Variants in CERKL observed in about 807,000 individuals in gnomAD.
CERKL encodes ceramide kinase-like protein.
A neutral mutation model predicts 63.4 loss-of-function variants in CERKL; 61 were observed. The ratio of observed to expected loss-of-function variants is 0.96; its 90% CI spans 0.78 to 1.19. The LOEUF (loss-of-function observed/expected upper bound fraction) is 1.19. CERKL is among the 50% of genes most tolerant of loss of function. CERKL has a pLI of 0.00. For synonymous variants in CERKL, 250 were observed against 230.5 expected (o/e 1.08, Z -0.77); for missense variants, 675 against 655.5 (o/e 1.03, Z -0.33).
chr2:181,643,660 C>A (rs115813597), intron 1 of CERKL, among the ~76,000 whole-genome samples: 1 of 152,146 alleles, frequency 6.6e-6, no homozygotes, highest in African/African-American at 2.4e-5. Flanking sequence ...CCTAAAGGGC[C>A]GTCATTTCAG....
intron 3 of CERKL, among the ~76,000 whole-genome samples, chr2:181,572,649 A>G (rs1226513049): frequency 4.9e-5 from 6 of 122,442 alleles, no homozygotes; most frequent in Admixed American, 3.4e-4. Flanking sequence ...GGTCACAAAC[A>G]TAAAGGTTAA....
intron 3 of CERKL, among the ~76,000 whole-genome samples, chr2:181,568,119 A>C (rs1490352049): frequency 6.6e-6 from 1 of 152,152 alleles, no homozygotes; most frequent in Non-Finnish European, 1.5e-5. Flanking sequence ...TTCCTCAGGA[A>C]GACAAGAAAG....
At chr2:181,579,218 ATT>A (rs970927760) in intron 2 of CERKL, among the ~76,000 whole-genome samples, 2 of 151,768 alleles carry the variant, frequency 1.3e-5, no homozygotes, top group African/African-American at 4.9e-5. Context: ...TATTCAGTAA[ATT>A]TTTCTCTTAT....
At chr2:181,642,130 T>C (rs1459115202) in intron 1 of CERKL, among the ~76,000 whole-genome samples, 1 of 152,246 alleles carries the variant, frequency 6.6e-6, no homozygotes, top group Non-Finnish European at 1.5e-5. Flanking sequence ...TAAATTTTTT[T>C]CTAAAGAGGC....
chr2:181,569,617 A>G (rs941596838), intron 3 of CERKL, among the ~76,000 whole-genome samples: 7 of 152,278 alleles, frequency 4.6e-5, no homozygotes, highest in Middle Eastern at 3.4e-3. Context: ...AAGAGCCCTG[A>G]GCTGGCAGAG....
At chr2:181,613,281 A>C (rs1559105987) in intron 1 of CERKL, among the ~76,000 whole-genome samples, 1 of 152,256 alleles carries the variant, frequency 6.6e-6, no homozygotes, top group Non-Finnish European at 1.5e-5. Context: ...AATTTAAAAC[A>C]GTAGGTGAAC....
At chr2:181,589,979 ATTT>A (rs57728937) in intron 2 of CERKL, among the ~76,000 whole-genome samples, 2 of 145,216 alleles carry the variant, frequency 1.4e-5, no homozygotes, top group African/African-American at 5.0e-5. Context: ...CACCCAGCTA[ATTT>A]TTTTTTTTTT....
chr2:181,576,504 C>A (rs2105850987), intron 2 of CERKL, among the ~76,000 whole-genome samples: 1 of 152,330 alleles, frequency 6.6e-6, no homozygotes, highest in South Asian at 2.1e-4. Flanking sequence ...CGAAACACGA[C>A]AGGCCAGGGA....
At chr2:181,630,980 A>G (rs1226168836) in intron 1 of CERKL, among the ~76,000 whole-genome samples, 1 of 152,176 alleles carries the variant, frequency 6.6e-6, no homozygotes, top group Non-Finnish European at 1.5e-5. Flanking sequence ...TGAGTGAAAA[A>G]CCAAATAATT....
Position 181,615,564 on chromosome 2 carries a change from T to C in CERKL, c.239-11485A>G, listed in dbSNP as rs189325519. Among the ~76,000 whole-genome samples the C allele has an allele frequency of 1.9e-4, 29 of 152,356 alleles. 1 individual carries two copies. The highest frequency in any genetic ancestry group is 1.2e-4 in the African/African-American group (5 of 41,582). ...TGCCTGATAGATGGCTCCCACAACA[T>C]AGTGTATACACACACTTATGGTATA... On this transcript the variant is annotated intron_variant, in intron 1 of 12. Transcript: ENST00000410087.
At chr2:181,573,986 T>A in intron 2 of CERKL, 102 bp from the exon 3 acceptor site, 1 of 1,044,216 alleles carries the variant, frequency 9.6e-7, no homozygotes, top group Non-Finnish European at 1.4e-6. Flanking sequence ...TATATGCATT[T>A]AAATAGTATT....
rs1687860020 is a variant in CERKL at position 181,548,922 on chromosome 2, A to G, written c.896-65T>C. On this transcript the variant is annotated intron_variant, in intron 6 of 12. Coordinates refer to ENST00000410087, the MANE Select transcript of CERKL (RefSeq NM_201548.5). ...GGACTTGTATCAAAACAGCAAACAT[A>G]AGAGAGCATATTTATTGGCTTATAG... The G allele has an allele frequency of 9.2e-6, 13 of 1,418,912 alleles. 1 individual carries two copies. In the Middle Eastern group the frequency reaches 8.8e-4, roughly 96 times the overall value. The allele number at this position is 1,418,912 out of a possible 1,614,324, so 87.9% of individuals were successfully genotyped here.
chr2:181,607,325 T>C (rs999575158), intron 1 of CERKL, among the ~76,000 whole-genome samples: 7 of 152,230 alleles, frequency 4.6e-5, no homozygotes, highest in African/African-American at 1.2e-4. Flanking sequence ...TATGAAGTTA[T>C]AGCCTTTTAC....
At chr2:181,552,232 T>A (rs1313822068) in intron 5 of CERKL, among the ~76,000 whole-genome samples, 4 of 152,160 alleles carry the variant, frequency 2.6e-5, no homozygotes, top group Admixed American at 1.3e-4. Context: ...TTATACAACC[T>A]AGTGACTACA....
At chr2:181,612,186 T>C (rs764657924) in intron 1 of CERKL, among the ~76,000 whole-genome samples, 1 of 152,222 alleles carries the variant, frequency 6.6e-6, no homozygotes, top group Non-Finnish European at 1.5e-5. Flanking sequence ...TTTTGGATGA[T>C]TTTTACTACA....
At chr2:181,643,847 G>A (rs1356491242) in intron 1 of CERKL, among the ~76,000 whole-genome samples, 4 of 152,068 alleles carry the variant, frequency 2.6e-5, no homozygotes, top group Non-Finnish European at 4.4e-5. Context: ...TTCCTTTACG[G>A]GAAATAATGA....
chr2:181,538,957 T>C, intron 12 of CERKL, 135 bp downstream of exon 12: 1 of 705,948 alleles, frequency 1.4e-6, no homozygotes, highest in Non-Finnish European at 2.5e-6. Flanking sequence ...CATGTCTCTT[T>C]ATGCTTCCCT....
chr2:181,571,864 A>T (rs1249725587), intron 3 of CERKL, among the ~76,000 whole-genome samples: 1 of 152,160 alleles, frequency 6.6e-6, no homozygotes, highest in Non-Finnish European at 1.5e-5. Flanking sequence ...GCCCAAACTT[A>T]AAAAAGGAAA....
chr2:181,602,896 C>CA (rs1334133716), intron 2 of CERKL, among the ~76,000 whole-genome samples: 5 of 151,420 alleles, frequency 3.3e-5, no homozygotes, highest in African/African-American at 4.9e-5. Context: ...AAATCTAAGA[C>CA]AAAAAAAATA....
Sources: gnomAD v4.1 joint callset for allele counts (sites outside exome capture counted in the v4.1 genomes callset) on GRCh38, gnomAD v4.1.1 for gene constraint, MANE v1.5 for transcripts, NCBI Gene and HGNC (gene_info 2026-07-23, HGNC 2026-07-21) for gene names.